Variants in QTMAN observed in about 807,000 individuals in gnomAD.
QTMAN encodes the protein queuosine-tRNA mannosyltransferase.
the QTMAN span, among the ~76,000 whole-genome samples, chr2:144,228,010 T>C: frequency 2.6e-3 from 395 of 152,296 alleles, 1 homozygote; most frequent in African/African-American, 8.6e-3. Flanking sequence ...AAAGTATCCA[T>C]GGGAAGGAAG....
At chr2:144,154,466 T>C in the QTMAN span, among the ~76,000 whole-genome samples, 1 of 152,128 alleles carries the variant, frequency 6.6e-6, no homozygotes, top group Admixed American at 6.5e-5. Flanking sequence ...TAATACTCCT[T>C]AACACAAGAG....
chr2:144,048,306 T>A, the QTMAN span, among the ~76,000 whole-genome samples: 1 of 152,162 alleles, frequency 6.6e-6, no homozygotes, highest in East Asian at 1.9e-4. Flanking sequence ...TAGGATGGAG[T>A]AGCTCGTGAC....
the QTMAN span, among the ~76,000 whole-genome samples, chr2:144,309,935 A>C: frequency 1.3e-5 from 2 of 152,210 alleles, no homozygotes; most frequent in African/African-American, 4.8e-5. Context: ...ACTGTGTGCC[A>C]GAAACGACTC....
At chr2:144,216,320 T>C in the QTMAN span, among the ~76,000 whole-genome samples, 20 of 152,300 alleles carry the variant, frequency 1.3e-4, no homozygotes, top group African/African-American at 4.6e-4. Context: ...CATGCAGCTG[T>C]GAAAATCTGA....
the QTMAN span, among the ~76,000 whole-genome samples, chr2:143,963,218 C>G: frequency 6.6e-6 from 1 of 152,048 alleles, no homozygotes; most frequent in Non-Finnish European, 1.5e-5. Flanking sequence ...AAAAGCCTAG[C>G]CCTGGCTTGG....
the QTMAN span, among the ~76,000 whole-genome samples, chr2:144,168,589 C>G: frequency 6.6e-6 from 1 of 151,930 alleles, no homozygotes; most frequent in South Asian, 2.1e-4. Flanking sequence ...TACATAGAGA[C>G]TACGATACTT....
At chr2:144,301,091 T>C in the QTMAN span, among the ~76,000 whole-genome samples, 3 of 152,230 alleles carry the variant, frequency 2.0e-5, no homozygotes, top group African/African-American at 7.2e-5. Context: ...AATCTTTATT[T>C]AAAAAAATCT....
the QTMAN span, among the ~76,000 whole-genome samples, chr2:144,213,960 G>GT: frequency 2.0e-5 from 3 of 152,090 alleles, no homozygotes; most frequent in Non-Finnish European, 2.9e-5. Context: ...ACCCAGCAGA[G>GT]TAAAATAGGG....
chr2:144,179,237 A>AC, the QTMAN span, among the ~76,000 whole-genome samples: 2 of 152,164 alleles, frequency 1.3e-5, no homozygotes, highest in Non-Finnish European at 2.9e-5. Flanking sequence ...CTTTACTGAC[A>AC]GTAGAGTAGA....
At chr2:144,110,342 G>A in the QTMAN span, among the ~76,000 whole-genome samples, 1 of 152,032 alleles carries the variant, frequency 6.6e-6, no homozygotes, top group African/African-American at 2.4e-5. Flanking sequence ...ACTGAACAAT[G>A]AGAACACTTG....
At chr2:144,021,366 G>A in the QTMAN span, among the ~76,000 whole-genome samples, 1 of 152,174 alleles carries the variant, frequency 6.6e-6, no homozygotes, top group East Asian at 1.9e-4. Context: ...ATGTGAGGTA[G>A]GCTAGAGGCA....
At chr2:144,060,040 G>A in the QTMAN span, among the ~76,000 whole-genome samples, 8 of 151,746 alleles carry the variant, frequency 5.3e-5, no homozygotes, top group South Asian at 1.0e-3. Context: ...TCACCTCTCT[G>A]TGCTTGTCTT....
At chr2:143,953,312 T>C in the QTMAN span, among the ~76,000 whole-genome samples, 1 of 151,788 alleles carries the variant, frequency 6.6e-6, no homozygotes, top group Admixed American at 6.6e-5. Flanking sequence ...AGAAAAAAAT[T>C]TACAATCTGT....
the QTMAN span, among the ~76,000 whole-genome samples, chr2:143,956,308 AG>A: frequency 6.6e-6 from 1 of 152,170 alleles, no homozygotes; most frequent in Non-Finnish European, 1.5e-5. Flanking sequence ...TTATTTCTAA[AG>A]GGTATAGAGT....
At chr2:144,273,689 T>TTAC in the QTMAN span, among the ~76,000 whole-genome samples, 2 of 152,192 alleles carry the variant, frequency 1.3e-5, no homozygotes, top group Admixed American at 1.3e-4. Context: ...AGGACATAAA[T>TTAC]TACTGGATGT....
chr2:144,067,958 T>A, the QTMAN span, among the ~76,000 whole-genome samples: 1 of 152,222 alleles, frequency 6.6e-6, no homozygotes, highest in Non-Finnish European at 1.5e-5. Context: ...TTGGCCTATG[T>A]CAACATTAGG....
chr2:144,282,402 G>A, the QTMAN span, among the ~76,000 whole-genome samples: 67 of 148,456 alleles, frequency 4.5e-4, no homozygotes, highest in Middle Eastern at 3.6e-3. Context: ...TTATATATAT[G>A]TAATATATTG....
chr2:144,286,066 C>G, the QTMAN span, among the ~76,000 whole-genome samples: 2 of 152,158 alleles, frequency 1.3e-5, no homozygotes, highest in South Asian at 4.1e-4. Context: ...CTTCCTCTCA[C>G]CCTTAGAAGA....
the QTMAN span, among the ~76,000 whole-genome samples, chr2:144,262,373 C>T: frequency 1.3e-5 from 2 of 151,866 alleles, no homozygotes; most frequent in Admixed American, 6.5e-5. Flanking sequence ...GCCTGGGCAA[C>T]ATAGCAAAAC....
Sources: gnomAD v4.1 joint callset for allele counts (sites outside exome capture counted in the v4.1 genomes callset) on GRCh38, gnomAD v4.1.1 for gene constraint, MANE v1.5 for transcripts, NCBI Gene and HGNC (gene_info 2026-07-23, HGNC 2026-07-21) for gene names.